PRC1: variants seen among roughly 807,000 people sequenced by gnomAD.
PRC1 encodes protein regulator of cytokinesis 1, also known as anaphase spindle elongation 1 homolog.
A neutral mutation model predicts 91.2 loss-of-function variants in PRC1; 54 were observed. The observed-to-expected ratio is 0.59, with a 90% CI of 0.48 to 0.74. PRC1 has a LOEUF of 0.74. Among genes scored for constraint, PRC1 ranks in the 30% least tolerant of loss-of-function variants. The probability of loss-of-function intolerance (pLI) is 0.00; values close to 1 mark genes in which losing one functional copy is unlikely to be tolerated. For synonymous variants in PRC1, 275 were observed against 263.6 expected (o/e 1.04, Z -0.42); for missense variants, 727 against 746.2 (o/e 0.97, Z 0.30).
At chr15:90,969,667 A>C (rs768421518) in intron 12 of PRC1, 44 bp from the exon 13 acceptor site, 1 of 1,532,908 alleles carries the variant, frequency 6.5e-7, no homozygotes, top group African/African-American at 1.4e-5. Flanking sequence ...CTTCTAATGA[A>C]CGTGCACACG....
rs563873837 is a variant in PRC1 at position 90,974,391 on chromosome 15, C to G, written c.1351-145G>C. ...CGCGGGCTCCCCGTTCCACAAGCCC[C>G]GGTCCCCGGCTCCCCGTTCCACAAG... On this transcript the variant is annotated intron_variant, in intron 10 of 14. Coordinates refer to ENST00000394249, the MANE Select transcript of PRC1 (RefSeq NM_003981.4). This position sits in a 1 kb window ranked among gnomAD's most constrained non-coding sequence, Gnocchi z 4.6. The G allele has an allele frequency of 9.3e-7, 1 of 1,079,036 alleles. No individual in the cohort carries two copies. Among genetic ancestry groups the G allele is most frequent in the African/African-American group, 1.6e-5 (1 of 62,500 alleles). The allele number at this position is 1,079,036 out of a possible 1,614,324, so 66.8% of individuals were successfully genotyped here. A position where few individuals can be genotyped will look rare whatever the true frequency, so the allele number is the denominator to read the frequency against.
chr15:90,980,630 C>CT, intron 6 of PRC1: 1 of 673,824 alleles, frequency 1.5e-6, no homozygotes, highest in Non-Finnish European at 2.4e-6. Context: ...AGCGATTCTC[C>CT]TGTCTCAGCC....
At chr15:90,973,921 C>A in intron 11 of PRC1, 1 of 491,118 alleles carries the variant, frequency 2.0e-6, no homozygotes, top group Non-Finnish European at 3.6e-6. Flanking sequence ...CTCAAGAGAC[C>A]GGTGCTGGTG....
In PRC1 at chr15:90,984,858, A is replaced by C; in HGVS notation, c.12-33T>G. The stretch of plus-strand genomic sequence containing the variant: ...CCAAAAACTAAGGCCTGTTAGTTAC[A>C]TCAGTCACAGCCTCTGGACTAAAAG... On this transcript the variant is annotated intron_variant, in intron 1 of 14. Transcript: ENST00000394249. This position sits in a 1 kb window ranked among gnomAD's most constrained non-coding sequence, Gnocchi z 5.1. 6.2e-7 allele frequency: 1 copy of C among 1,613,428 alleles called. No individual in the cohort carries two copies. The highest frequency in any genetic ancestry group is 8.5e-7 in the Non-Finnish European group (1 of 1,179,630).
intron 1 of PRC1, among the ~76,000 whole-genome samples, chr15:90,992,645 G>C (rs1268587258): frequency 6.6e-6 from 1 of 151,928 alleles, no homozygotes; most frequent in African/African-American, 2.4e-5. Context: ...CAATTATCAT[G>C]ATACACTTAA....
At chr15:90,987,709 G>C (rs182781949) in intron 1 of PRC1, 25 of 152,228 alleles carry the variant, frequency 1.6e-4, no homozygotes, top group African/African-American at 5.8e-4. Flanking sequence ...CGGCCGAGAA[G>C]CCTGCAGCAA....
chr15:90,977,615 G>A (rs1028222600), intron 8 of PRC1, among the ~76,000 whole-genome samples: 2 of 118,520 alleles, frequency 1.7e-5, no homozygotes, highest in East Asian at 2.7e-4. Flanking sequence ...ACAGAGTCTC[G>A]CTCTGTCGCC....
chr15:90,968,182 TTGG>T (rs1860330998), intron 14 of PRC1: 1 of 985,250 alleles, frequency 1.0e-6, no homozygotes, highest in African/African-American at 1.7e-5. Context: ...AAAATGGGCC[TTGG>T]TTGAACAAGC....
rs771021719 is a variant in PRC1 at position 90,981,727 on chromosome 15, G to A, written c.501+21C>T. On this transcript the variant is annotated intron_variant, in intron 4 of 14. Transcript: ENST00000394249. ...GGAAAACCAAAGTGACTTTTAGGAA[G>A]AACAAATGTAGGCAGTGTACCTTTG... is the stretch of plus-strand genomic sequence containing the variant. The A allele has an allele frequency of 7.5e-6, 12 of 1,608,246 alleles. No individual in the cohort carries two copies. In the South Asian group the frequency reaches 1.3e-4, roughly 18 times the overall value.
At chr15:90,990,233 G>A (rs890944553) in intron 1 of PRC1, among the ~76,000 whole-genome samples, 1 of 151,838 alleles carries the variant, frequency 6.6e-6, no homozygotes, top group Non-Finnish European at 1.5e-5. Flanking sequence ...CTACTCGGGA[G>A]GCTGAGGCAG....
chr15:90,980,251 A>T lies in PRC1; in HGVS notation c.961T>A (p.Phe321Ile). The T allele has an allele frequency of 6.2e-7, 1 of 1,611,304 alleles. No homozygotes were observed. Reference sequence around the variant, plus strand: ...TCACTCTTGTACTAACCAGCACAGAAAGGGGCAAAAGCTTGTCTCTGCTCC... The same window carrying T: ...TCACTCTTGTACTAACCAGCACAGATAGGGGCAAAAGCTTGTCTCTGCTCC... ...SQEQRQAFAP[F>I]CAEDYTESLL... Residue 321 changes from phenylalanine (F) to isoleucine (I), a missense_variant, in exon 7 of 15, where the codon TTC becomes ATC. Coordinates refer to ENST00000394249, the MANE Select transcript of PRC1 (RefSeq NM_003981.4).
At chr15:90,976,082 T>C (rs1307803129) in intron 9 of PRC1, among the ~76,000 whole-genome samples, 1 of 152,096 alleles carries the variant, frequency 6.6e-6, no homozygotes, top group African/African-American at 2.4e-5. Flanking sequence ...CGTAGTGTTT[T>C]GTTTTTTTGT....
Position 90,980,263 on chromosome 15 carries a change from C to T in PRC1, c.949G>A (p.Ala317Thr). ...TAACCAGCACAGAAAGGGGCAAAAG[C>T]TTGTCTCTGCTCCTGGCTATAAAAG... ...QCFYSQEQRQ[A>T]FAPFCAEDYT... The change falls in exon 7 of 15, where the codon GCT becomes ACT. Residue 317 changes from alanine to threonine, a missense_variant. Transcript: ENST00000394249. 6.2e-7 allele frequency: 1 copy of T among 1,612,352 alleles called. No individual in the cohort carries two copies. The highest frequency in any genetic ancestry group is 1.7e-4 in the Middle Eastern group (1 of 6,044).
chr15:90,980,792 C>G, intron 6 of PRC1, 92 bp downstream of exon 6: 5 of 1,550,704 alleles, frequency 3.2e-6, no homozygotes, highest in Non-Finnish European at 3.5e-6. Flanking sequence ...AGGCATGAAC[C>G]ACTGAGCCTG....
At chr15:90,975,647 C>T (rs938458605) in intron 9 of PRC1, among the ~76,000 whole-genome samples, 2 of 152,044 alleles carry the variant, frequency 1.3e-5, no homozygotes, top group African/African-American at 4.8e-5. Flanking sequence ...GCCTTAACCC[C>T]CAGTACCTCA....
rs189808257 is a variant in PRC1 at position 90,974,198 on chromosome 15, C to G, written c.1399G>C (p.Ala467Pro). The G allele has an allele frequency of 6.2e-7, 1 of 1,614,160 alleles. No individual in the cohort carries two copies. Among genetic ancestry groups the G allele is most frequent in the Non-Finnish European group, 8.5e-7 (1 of 1,180,024 alleles). ...CGCCGCTTGCTAGGTGTTCGAGGAG[C>G]GCTGCCATACAGCATCTCTGTCTCT... is the stretch of plus-strand genomic sequence containing the variant. ...QTETEMLYGSAPRTPSKRRGL... is the reference protein window; with the variant it reads ...QTETEMLYGSPPRTPSKRRGL... Residue 467 changes from alanine to proline, a missense_variant, in exon 11 of 15, where the codon GCT (alanine) becomes CCT (proline). Coordinates refer to ENST00000394249, the MANE Select transcript of PRC1 (RefSeq NM_003981.4). The surrounding 1 kb of genome is among the most constrained non-coding windows in gnomAD (Gnocchi z 4.6).
intron 1 of PRC1, among the ~76,000 whole-genome samples, chr15:90,993,652 A>G (rs2040111708): frequency 6.6e-6 from 1 of 152,266 alleles, no homozygotes; most frequent in Admixed American, 6.5e-5. Context: ...TTCAAGTCGG[A>G]CAGTCCCTCC....
chr15:90,982,135 C>T (rs1433138515), intron 3 of PRC1, 154 bp from the exon 4 acceptor site: 1 of 704,978 alleles, frequency 1.4e-6, no homozygotes, highest in African/African-American at 1.8e-5. Flanking sequence ...AAGAGGGTCT[C>T]CTAAGGAAGG....
rs1292774413 is a variant in PRC1, at chr15:90,967,029, G to A, written c.*102C>T. 1.9e-6 allele frequency: 2 copies of A among 1,043,174 alleles called. No individual in the cohort carries two copies. Among genetic ancestry groups the A allele is most frequent in the Non-Finnish European group, 2.9e-6 (2 of 680,984 alleles). The allele number at this position is 1,043,174 out of a possible 1,614,324, so 64.6% of individuals were successfully genotyped here. A position where few individuals can be genotyped will look rare whatever the true frequency, so the allele number is the denominator to read the frequency against. ...CCCATGGTCATGGAACCTGGCCAAG[G>A]TTTCAAGCACGCCTAAGCTGAAGAA... On this transcript the variant is annotated 3_prime_UTR_variant, in exon 15 of 15. Transcript: ENST00000394249.
Sources: allele counts gnomAD v4.1 joint callset (sites outside exome capture counted in the v4.1 genomes callset), GRCh38; gene constraint gnomAD v4.1.1; non-coding constraint Gnocchi (gnomAD v3.1); transcripts MANE v1.5; gene names NCBI Gene and HGNC (gene_info 2026-07-23, HGNC 2026-07-21).